TBC1D9: variants seen among roughly 807,000 people sequenced by gnomAD.
TBC1D9 encodes the protein TBC1 domain family member 9A.
Under a neutral mutation model 132.0 loss-of-function variants are expected in TBC1D9, and 63 were observed. That is an observed-to-expected ratio of 0.48 (90% CI 0.39 to 0.59). The LOEUF (loss-of-function observed/expected upper bound fraction) is 0.59, where lower values mean the gene tolerates loss of function less well. Among genes scored for constraint, TBC1D9 ranks in the 20% least tolerant of loss-of-function variants. The probability of loss-of-function intolerance (pLI) is 0.00; values close to 1 mark genes in which losing one functional copy is unlikely to be tolerated. For synonymous variants in TBC1D9, 610 were observed against 609.9 expected (o/e 1.00, Z 0.00); for missense variants, 1,261 against 1,592.7 (o/e 0.79, Z 3.54).
At chr4:140,634,954 G>A (rs920743830) in intron 15 of TBC1D9, among the ~76,000 whole-genome samples, 1 of 152,118 alleles carries the variant, frequency 6.6e-6, no homozygotes, top group Non-Finnish European at 1.5e-5. Flanking sequence ...ATGAGGTCAT[G>A]GTGACTCTGG....
At chr4:140,733,816 C>G (rs1738635183) in intron 1 of TBC1D9, among the ~76,000 whole-genome samples, 1 of 152,188 alleles carries the variant, frequency 6.6e-6, no homozygotes, top group Non-Finnish European at 1.5e-5. Context: ...AATAGTCATT[C>G]TGTTTCACCT....
At position 140,642,484 on chromosome 4, in the gene TBC1D9, T is replaced by C. The variant is rs114627791; in HGVS notation, c.2338-3056A>G. 2.0e-3 allele frequency: 2,094 copies of C among 1,057,466 alleles called. 17 individuals carry two copies. The African/African-American group carries it at 0.024, about 12-fold the overall frequency. 65.5% of individuals were successfully genotyped at this position (1,057,466 alleles called of 1,614,324 possible). ...GCTGCAGCCCCTGCCAGTTTTTGAT[T>C]TCCCCCCAGCACTGTCTGAAAACTT... On this transcript the variant is annotated intron_variant, in intron 13 of 20. Transcript: ENST00000442267.
At chr4:140,685,300 G>A (rs1737762455) in intron 3 of TBC1D9, among the ~76,000 whole-genome samples, 1 of 152,128 alleles carries the variant, frequency 6.6e-6, no homozygotes, top group African/African-American at 2.4e-5. Context: ...TAACACCTTG[G>A]GCTCATAATG....
At chr4:140,652,083 A>G (rs956305823) in intron 13 of TBC1D9, among the ~76,000 whole-genome samples, 1 of 151,986 alleles carries the variant, frequency 6.6e-6, no homozygotes, top group African/African-American at 2.4e-5. Context: ...TACCAAAAAT[A>G]CCAAAAGATT....
At chr4:140,737,341 C>T (rs1259956952) in intron 1 of TBC1D9, among the ~76,000 whole-genome samples, 1 of 151,914 alleles carries the variant, frequency 6.6e-6, no homozygotes, top group Non-Finnish European at 1.5e-5. Context: ...AAAGACCCTC[C>T]ATTTTCTTAT....
intron 9 of TBC1D9, among the ~76,000 whole-genome samples, chr4:140,668,363 G>A (rs1030153562): frequency 1.3e-5 from 2 of 152,216 alleles, no homozygotes; most frequent in Non-Finnish European, 2.9e-5. Context: ...TCTCTGGCTT[G>A]AAGTACAAGG....
At chr4:140,704,116 G>A (rs1008468794) in intron 1 of TBC1D9, among the ~76,000 whole-genome samples, 1 of 152,140 alleles carries the variant, frequency 6.6e-6, no homozygotes, top group Non-Finnish European at 1.5e-5. Context: ...TCAGCCTGTG[G>A]GCTAGGCGCG....
At chr4:140,748,754 A>G (rs1310838831) in intron 1 of TBC1D9, among the ~76,000 whole-genome samples, 3 of 152,218 alleles carry the variant, frequency 2.0e-5, no homozygotes, top group Non-Finnish European at 4.4e-5. Context: ...GAGACAAACA[A>G]AAACTGAGAA....
rs1736926889 is a variant in TBC1D9, at chr4:140,639,348, A to T, written c.2418T>A (p.Asp806Glu). ...GACTTACCACGTTGCGTTTCGTAGTATCCTCCAGCGTCTGGATCACTTTCA... is the reference window on the plus strand; with the variant it reads ...GACTTACCACGTTGCGTTTCGTAGTTTCCTCCAGCGTCTGGATCACTTTCA... ...QRLKVIQTLE[D>E]TTKRNVVRTI... Residue 806 changes from aspartate (D) to glutamate (E), a missense_variant, in exon 14 of 21, where the codon GAT becomes GAA. Transcript: ENST00000442267. 6.2e-7 allele frequency: 1 copy of T among 1,612,452 alleles called. No homozygotes were observed. The highest frequency in any genetic ancestry group is 8.5e-7 in the Non-Finnish European group (1 of 1,179,274).
Position 140,657,750 on chromosome 4 carries a change from C to A in TBC1D9, c.1984G>T (p.Asp662Tyr), listed in dbSNP as rs184355469. ...LARDYVPQLY[D>Y]CMQDLGVIST... ...ATCACGCCCAGGTCTTGCATGCAGTCGTACAGCTGTGGGACGTAGTCTCGT... is the reference window on the plus strand; with the variant it reads ...ATCACGCCCAGGTCTTGCATGCAGTAGTACAGCTGTGGGACGTAGTCTCGT... The change falls in exon 12 of 21, where the codon GAC (aspartate) becomes TAC (tyrosine). Residue 662 changes from aspartate (D) to tyrosine (Y), a missense_variant. This residue lies in a region of TBC1D9 where 93 missense variants were observed against 169.2 expected (regional missense o/e 0.55). Transcript: ENST00000442267. The A allele has an allele frequency of 5.8e-5, 94 of 1,613,880 alleles. No individual in the cohort carries two copies. Among genetic ancestry groups the A allele is most frequent in the Non-Finnish European group, 7.0e-5 (83 of 1,179,902 alleles).
At chr4:140,638,021 T>C (rs1029958897) in intron 15 of TBC1D9, among the ~76,000 whole-genome samples, 35 of 152,172 alleles carry the variant, frequency 2.3e-4, no homozygotes, top group Non-Finnish European at 2.9e-5. Context: ...CCAACATAAA[T>C]AAAACAGTGG....
chr4:140,752,807 T>C (rs1266569394), intron 1 of TBC1D9, among the ~76,000 whole-genome samples: 2 of 152,166 alleles, frequency 1.3e-5, no homozygotes, highest in Non-Finnish European at 2.9e-5. Flanking sequence ...ACCCACTGTT[T>C]TTTATAGCTT....
intron 2 of TBC1D9, among the ~76,000 whole-genome samples, chr4:140,687,379 T>TC (rs1560885921): frequency 8.2e-5 from 6 of 73,340 alleles, no homozygotes; most frequent in Non-Finnish European, 1.7e-4. Flanking sequence ...TATATATATA[T>TC]ATATATATAT....
intron 1 of TBC1D9, among the ~76,000 whole-genome samples, chr4:140,716,836 T>TCA (rs1156324870): frequency 6.7e-6 from 1 of 150,266 alleles, no homozygotes; most frequent in East Asian, 2.0e-4. Context: ...AAAGCAAAAA[T>TCA]CACACACACA....
intron 2 of TBC1D9, among the ~76,000 whole-genome samples, 194 bp from the exon 3 acceptor site, chr4:140,686,656 ATTATAATCAAGTTGTG>A (rs756612377): frequency 1.4e-4 from 22 of 152,222 alleles, no homozygotes; most frequent in Non-Finnish European, 2.9e-4. Flanking sequence ...CAAGAGTAAT[ATTATAATCAAGTTGTG>A]TTATAATCAA....
In TBC1D9 at chr4:140,622,231, C is replaced by T. The variant is rs748067449; in HGVS notation, c.3765G>A (p.Ser1255=). Residue 1255 remains serine (S), a synonymous_variant, in exon 21 of 21, where the codon TCG becomes TCA. Coordinates refer to ENST00000442267, the MANE Select transcript of TBC1D9 (RefSeq NM_015130.3). ...NIRMMGKPLT[S]ASDYEISAMS... is the part of the protein sequence containing the mutation. ...TGGCCGAGATTTCATAGTCACTGGC[C>T]GAGGTGAGGGGCTTGCCCATCATCC... is the stretch of plus-strand genomic sequence containing the variant. 18 of 1,592,484 alleles carry T rather than the reference C, an allele frequency of 1.1e-5. No individual in the cohort carries two copies. Among genetic ancestry groups the T allele is most frequent in the Middle Eastern group, 1.7e-4 (1 of 5,850 alleles).
chr4:140,685,221 T>C (rs926713325), intron 3 of TBC1D9, among the ~76,000 whole-genome samples: 1 of 152,186 alleles, frequency 6.6e-6, no homozygotes, highest in African/African-American at 2.4e-5. Context: ...CTGAAAATGT[T>C]TTCTTACAGA....
chr4:140,648,371 G>A (rs191789921), intron 13 of TBC1D9, among the ~76,000 whole-genome samples: 2 of 150,796 alleles, frequency 1.3e-5, no homozygotes, highest in African/African-American at 4.9e-5. Flanking sequence ...GAGCAGAAAG[G>A]CAGTTTTGTT....
At chr4:140,723,509 T>C (rs1359359712) in intron 1 of TBC1D9, among the ~76,000 whole-genome samples, 5 of 152,126 alleles carry the variant, frequency 3.3e-5, no homozygotes, top group Admixed American at 1.3e-4. Context: ...AATTTTTGTA[T>C]TTTTAGTAGA....
Sources: gnomAD v4.1 joint callset for allele counts (sites outside exome capture counted in the v4.1 genomes callset) on GRCh38, gnomAD v4.1.1 for gene constraint, gnomAD v4.1.1 regional missense constraint, MANE v1.5 for transcripts, NCBI Gene and HGNC (gene_info 2026-07-23, HGNC 2026-07-21) for gene names.